KIAA1217: variants seen among roughly 807,000 people sequenced by gnomAD.
KIAA1217 encodes the protein sickle tail protein homolog.
In KIAA1217, 88 loss-of-function variants were observed where a neutral mutation model predicts 163.9. The ratio of observed to expected loss-of-function variants is 0.54; its 90% confidence interval spans 0.45 to 0.64. The LOEUF is 0.64. Among genes scored for constraint, KIAA1217 ranks in the 30% least tolerant of loss-of-function variants. The probability of loss-of-function intolerance (pLI) is 0.00; values close to 1 mark genes in which losing one functional copy is unlikely to be tolerated. For synonymous variants in KIAA1217, 903 were observed against 923.1 expected (o/e 0.98, Z 0.39); for missense variants, 2,372 against 2,475.0 (o/e 0.96, Z 0.88).
chr10:23,886,829 C>A (rs1841195072), intron 1 of KIAA1217, among the ~76,000 whole-genome samples: 1 of 147,992 alleles, frequency 6.8e-6, no homozygotes, highest in Non-Finnish European at 1.5e-5. Context: ...AGCAACCAAT[C>A]TTGTTGACTT....
intron 1 of KIAA1217, among the ~76,000 whole-genome samples, chr10:23,869,125 T>TTG (rs1840334438): frequency 1.0e-5 from 1 of 98,784 alleles, no homozygotes; most frequent in East Asian, 2.4e-4. Context: ...TGAAATGTAG[T>TTG]TTTTTTTTTT....
In KIAA1217 at chr10:24,546,071, G is replaced by A. The variant is rs2135548434; in HGVS notation, c.5579G>A (p.Gly1860Asp). ...TCCCTCATCCCTTCTGTCTCTAATGGCTCTTTGAAGTTTCAGAGCCTCACT... is the reference window on the plus strand; with the variant it reads ...TCCCTCATCCCTTCTGTCTCTAATGACTCTTTGAAGTTTCAGAGCCTCACT... The part of the protein sequence containing the change: ...SASLIPSVSN[G>D]SLKFQSLTHT... The change falls in exon 21 of 21, where the codon GGC becomes GAC. Residue 1860 changes from glycine (G) to aspartate (D), a missense_variant. Around this residue, in one of 3 missense-constraint regions of KIAA1217, gnomAD observed 690 missense variants for 677.5 expected, o/e 1.02. Coordinates refer to ENST00000376454, the MANE Select transcript of KIAA1217 (RefSeq NM_019590.5). The A allele has an allele frequency of 1.9e-6, 3 of 1,614,112 alleles. 1 individual carries two copies. In the South Asian group the frequency reaches 3.3e-5, roughly 18 times the overall value.
intron 1 of KIAA1217, among the ~76,000 whole-genome samples, chr10:23,813,205 G>T (rs1837155429): frequency 6.6e-6 from 1 of 152,002 alleles, no homozygotes; most frequent in African/African-American, 2.4e-5. Flanking sequence ...TGAACATCTT[G>T]AGCCTATTGG....
chr10:23,865,268 A>G (rs1320580951), intron 1 of KIAA1217, among the ~76,000 whole-genome samples: 7 of 152,228 alleles, frequency 4.6e-5, no homozygotes, highest in East Asian at 1.9e-4. Context: ...TAATTAATGC[A>G]GATCAAATGA....
chr10:23,953,754 T>C (rs1844441270), intron 1 of KIAA1217, among the ~76,000 whole-genome samples: 1 of 152,246 alleles, frequency 6.6e-6, no homozygotes, highest in South Asian at 2.1e-4. Context: ...AATAAGTGCA[T>C]AATTAATGTT....
chr10:23,931,646 A>T (rs994150290), intron 1 of KIAA1217, among the ~76,000 whole-genome samples: 7 of 152,160 alleles, frequency 4.6e-5, no homozygotes, highest in Non-Finnish European at 7.3e-5. Flanking sequence ...ACCTCATCAG[A>T]TTGACCCAAA....
chr10:23,947,476 C>T (rs2131347517), intron 1 of KIAA1217, among the ~76,000 whole-genome samples: 1 of 152,246 alleles, frequency 6.6e-6, no homozygotes. Context: ...TTAGCCGGTC[C>T]TATACATTTC....
intron 3 of KIAA1217, among the ~76,000 whole-genome samples, chr10:24,408,867 G>C (rs1160097974): frequency 5.9e-5 from 9 of 151,906 alleles, no homozygotes; most frequent in Admixed American, 5.9e-4. Context: ...ACCTGATATA[G>C]TATACGCTCA....
chr10:23,808,061 G>C (rs958672490), intron 1 of KIAA1217, among the ~76,000 whole-genome samples: 1 of 152,212 alleles, frequency 6.6e-6, no homozygotes, highest in African/African-American at 2.4e-5. Flanking sequence ...AGCGAAGTTA[G>C]AACTCCAGGC....
intron 2 of KIAA1217, among the ~76,000 whole-genome samples, chr10:24,323,787 T>TTGTG (rs1564471877): frequency 1.9e-5 from 2 of 106,456 alleles, no homozygotes; most frequent in East Asian, 5.6e-4. Flanking sequence ...TGTTTTCTCT[T>TTGTG]CGTGTGTGTG....
rs145932195 is a variant in KIAA1217 at position 24,524,514 on chromosome 10, T to C, written c.2648T>C (p.Met883Thr). Residue 883 changes from methionine (M) to threonine (T), a missense_variant, in exon 13 of 21, where the codon ATG (methionine) becomes ACG (threonine). By Grantham distance (81) the Met-to-Thr change is moderately conservative. Transcript: ENST00000376454. ...KSEVVPLSGM[M>T]VRHAQSSPVV... Reference sequence around the variant, plus strand: ...GAAGTGGTGCCTTTGTCCGGCATGATGGTTCGCCACGCGCAGAGCTCCCCT... The same window carrying C: ...GAAGTGGTGCCTTTGTCCGGCATGACGGTTCGCCACGCGCAGAGCTCCCCT... The C allele has an allele frequency of 9.2e-5, 149 of 1,614,006 alleles. No homozygotes were observed. The highest frequency in any genetic ancestry group is 3.2e-4 in the Admixed American group (19 of 59,992).
chr10:23,954,956 A>G (rs370335335), intron 1 of KIAA1217, among the ~76,000 whole-genome samples: 13 of 152,322 alleles, frequency 8.5e-5, no homozygotes, highest in African/African-American at 2.6e-4. Flanking sequence ...ACTGATTAAC[A>G]TGGTATCTAG....
chr10:24,511,610 G>C (rs570624975), intron 9 of KIAA1217, among the ~76,000 whole-genome samples: 5 of 152,100 alleles, frequency 3.3e-5, no homozygotes, highest in African/African-American at 1.2e-4. Flanking sequence ...TCGTGCCATT[G>C]CACTCCAGCC....
At chr10:24,519,453 C>T (rs1188876776) in intron 10 of KIAA1217, among the ~76,000 whole-genome samples, 2 of 152,082 alleles carry the variant, frequency 1.3e-5, no homozygotes, top group Non-Finnish European at 1.5e-5. Context: ...GTTGATGAGA[C>T]AATCAGTATA....
Position 24,105,792 on chromosome 10 carries a change from G to A in KIAA1217, c.-171+98418G>A, listed in dbSNP as rs116892781. Among the ~76,000 whole-genome samples, 238 of 152,328 alleles carry A rather than the reference G, an allele frequency of 1.6e-3. 3 individuals are homozygous for A. In the East Asian group the frequency reaches 0.028, roughly 18 times the overall value. ...AAGACCAGGTTACTGCCTTCATGGG[G>A]CTTTCGGCCTAGAATGGAAGCTATG... On this transcript the variant is annotated intron_variant, in intron 2 of 18. Transcript: ENST00000376462.
At position 23,934,621 on chromosome 10, in the gene KIAA1217, A is replaced by ATTT. The variant is rs1417805516; in HGVS notation, c.-320-72603_-320-72602insTTT. 5.8e-4 allele frequency among the ~76,000 whole-genome samples: 36 copies of ATTT among 61,730 alleles called. 3 individuals carry two copies. Among genetic ancestry groups the ATTT allele is most frequent in the East Asian group, 5.0e-3 (18 of 3,582 alleles). The allele number at this position is 61,730 out of a possible 152,430, so 40.5% of individuals were successfully genotyped here. On this transcript the variant is annotated intron_variant, in intron 1 of 18. Transcript: ENST00000376462. Reference sequence around the variant, plus strand: ...TATATATATATGTATATATATATATATATATTTTTTTTTTGAGACGGAGTC... The same window carrying ATTT: ...TATATATATATGTATATATATATATATTTTATATTTTTTTTTTGAGACGGAGTC...
chr10:24,258,482 G>A (rs781185478), intron 2 of KIAA1217, among the ~76,000 whole-genome samples: 2 of 152,036 alleles, frequency 1.3e-5, no homozygotes, highest in Non-Finnish European at 2.9e-5. Flanking sequence ...AAGGAGTAGA[G>A]TCTATTGCAC....
intron 10 of KIAA1217, among the ~76,000 whole-genome samples, chr10:24,517,728 T>C (rs1464691304): frequency 6.6e-6 from 1 of 152,136 alleles, no homozygotes; most frequent in African/African-American, 2.4e-5. Flanking sequence ...GGCACAGTGA[T>C]TCACACCTAT....
At position 23,799,683 on chromosome 10, in the gene KIAA1217, T is replaced by C. The variant is rs118108287; in HGVS notation, c.-321+104449T>C. Among the ~76,000 whole-genome samples the C allele has an allele frequency of 2.3e-4, 35 of 152,302 alleles. No homozygotes were observed. The East Asian group carries it at 5.8e-3, about 25-fold the overall frequency. On this transcript the variant is annotated intron_variant, in intron 1 of 18. Coordinates refer to the KIAA1217 transcript ENST00000376462. ...CAATAAACTGCCTCTATAATTTGTA[T>C]TGGACCTACCAAGACTCACTCTTGT...
Sources: gnomAD v4.1 joint callset for allele counts (sites outside exome capture counted in the v4.1 genomes callset) on GRCh38, gnomAD v4.1.1 for gene constraint, gnomAD v4.1.1 regional missense constraint, MANE v1.5 for transcripts, NCBI Gene and HGNC (gene_info 2026-07-23, HGNC 2026-07-21) for gene names.